The following RFC3 variants were observed in gnomAD, a reference collection of about 807,000 sequenced individuals.
RFC3 encodes the protein replication factor C subunit 3.
A neutral mutation model predicts 45.1 loss-of-function variants in RFC3; 41 were observed. The ratio of observed to expected loss-of-function variants is 0.91; its 90% CI spans 0.71 to 1.18. RFC3 has a LOEUF of 1.18. Ranked by LOEUF, RFC3 falls within the 50% of genes most tolerant of loss-of-function variation. RFC3 has a pLI of 0.00. For synonymous variants in RFC3, 149 were observed against 144.0 expected (o/e 1.03, Z -0.25); for missense variants, 423 against 428.1 (o/e 0.99, Z 0.10).
chr13:33,830,584 GTTACTT>G, intron 5 of RFC3, 129 bp from the exon 6 acceptor site: 1 of 593,122 alleles, frequency 1.7e-6, no homozygotes. Flanking sequence ...AGAGTGGTAA[GTTACTT>G]TTAGTGTAAG....
downstream of RFC3, among the ~76,000 whole-genome samples, chr13:33,839,275 G>C (rs933650123): frequency 3.9e-5 from 6 of 152,230 alleles, no homozygotes; most frequent in Middle Eastern, 3.4e-3. Context: ...CATGAACTAG[G>C]CCTGCAACTT....
downstream of RFC3, among the ~76,000 whole-genome samples, chr13:33,839,860 A>G (rs1436000884): frequency 6.6e-6 from 1 of 152,228 alleles, no homozygotes; most frequent in Non-Finnish European, 1.5e-5. Flanking sequence ...AGCATTTTCA[A>G]TGGACAAAAT....
chr13:33,824,673 G>T (rs2082033288), intron 3 of RFC3, among the ~76,000 whole-genome samples: 1 of 152,144 alleles, frequency 6.6e-6, no homozygotes, highest in South Asian at 2.1e-4. Flanking sequence ...ATTTCAGGGA[G>T]AGGGAGGAGA....
chr13:33,906,804 G>A (rs2082674574), intron 8 of RFC3, among the ~76,000 whole-genome samples: 1 of 151,992 alleles, frequency 6.6e-6, no homozygotes. Flanking sequence ...GTTCTTCCTT[G>A]TCATTCTGTT....
intron 8 of RFC3, among the ~76,000 whole-genome samples, chr13:33,944,398 A>G (rs1198935625): frequency 6.6e-6 from 1 of 152,230 alleles, no homozygotes; most frequent in Admixed American, 6.5e-5. Flanking sequence ...TCTTTGATCA[A>G]TGAGTGATGA....
At chr13:33,894,267 C>G (rs996492072) in intron 8 of RFC3, among the ~76,000 whole-genome samples, 4 of 152,142 alleles carry the variant, frequency 2.6e-5, no homozygotes, top group Non-Finnish European at 5.9e-5. Context: ...GGGCCATAAC[C>G]CTACCCAGTA....
chr13:33,908,634 A>C (rs2137692130), intron 8 of RFC3, among the ~76,000 whole-genome samples: 1 of 150,350 alleles, frequency 6.7e-6, no homozygotes, highest in Non-Finnish European at 1.5e-5. Context: ...ACACACACAC[A>C]CACACACACA....
At chr13:33,905,297 G>A (rs2082665386) in intron 8 of RFC3, among the ~76,000 whole-genome samples, 1 of 151,766 alleles carries the variant, frequency 6.6e-6, no homozygotes, top group Non-Finnish European at 1.5e-5. Context: ...TTATTATGTT[G>A]CTTTTCACAT....
rs113168994 is a variant in RFC3 at position 33,829,757 on chromosome 13, A to T, written c.392-79A>T. 2.1e-3 allele frequency: 2,313 copies of T among 1,091,724 alleles called. 39 individuals are homozygous for T. The African/African-American group carries it at 0.031, about 15-fold the overall frequency. 67.6% of individuals were successfully genotyped at this position (1,091,724 alleles called of 1,614,324 possible). On this transcript the variant is annotated intron_variant, in intron 4 of 8. Coordinates refer to ENST00000380071, the MANE Select transcript of RFC3 (RefSeq NM_002915.4). ...CTTATTATTTAGGATTTCATCCTGG[A>T]TAATGAGAAGGAAGAAAGAGACAAG... is the stretch of plus-strand genomic sequence containing the variant.
At chr13:33,910,112 C>T (rs80021196) in intron 8 of RFC3, among the ~76,000 whole-genome samples, 1 of 151,986 alleles carries the variant, frequency 6.6e-6, no homozygotes, top group Non-Finnish European at 1.5e-5. Flanking sequence ...TCTTTGACTA[C>T]ATACATTAAT....
intron 8 of RFC3, among the ~76,000 whole-genome samples, chr13:33,884,316 G>T (rs898565901): frequency 1.3e-5 from 2 of 152,122 alleles, no homozygotes; most frequent in Non-Finnish European, 2.9e-5. Flanking sequence ...ATATTCACTT[G>T]TCTAATAGCT....
Position 33,889,753 on chromosome 13 carries a change from T to C in RFC3, c.879+54536T>C, listed in dbSNP as rs149258116. Among the ~76,000 whole-genome samples the C allele has an allele frequency of 2.6e-5, 4 of 152,280 alleles. No homozygotes were observed. In the East Asian group the frequency reaches 7.7e-4, roughly 29 times the overall value. Reference sequence around the variant, plus strand: ...CAGCCTCTGGTAACCACTATTCTACTCTCTACTGCTATGACAGCAACCTTT... The same window carrying C: ...CAGCCTCTGGTAACCACTATTCTACCCTCTACTGCTATGACAGCAACCTTT... On this transcript the variant is annotated intron_variant, in intron 8 of 8. Transcript: ENST00000434425.
At chr13:33,853,801 C>G (rs2082292285) in intron 8 of RFC3, among the ~76,000 whole-genome samples, 1 of 152,272 alleles carries the variant, frequency 6.6e-6, no homozygotes, top group African/African-American at 2.4e-5. Context: ...ACCCAAGTCA[C>G]TGAGAGGTGA....
At position 33,870,734 on chromosome 13, in the gene RFC3, TTTTG is replaced by T. The variant is rs140862213; in HGVS notation, c.879+35528_879+35531del. Among the ~76,000 whole-genome samples, 1,307 of 152,310 alleles carry T rather than the reference TTTTG, an allele frequency of 8.6e-3. 22 individuals are homozygous for T. The highest frequency in any genetic ancestry group is 0.028 in the African/African-American group (1,143 of 41,548). The stretch of plus-strand genomic sequence containing the variant: ...AACCTACCTAAGGTAGGACCATTGT[TTTTG>T]TTTGTTTGTTCTGTTTTGTTTTGTT... On this transcript the variant is annotated intron_variant, in intron 8 of 8. Coordinates refer to the RFC3 transcript ENST00000434425.
intron 8 of RFC3, among the ~76,000 whole-genome samples, chr13:33,965,256 G>T (rs915330785): frequency 1.3e-5 from 2 of 152,168 alleles, no homozygotes; most frequent in South Asian, 4.1e-4. Context: ...TCTGTAAGGT[G>T]GGGATGATAA....
intron 8 of RFC3, 141 bp from the exon 9 acceptor site, chr13:33,835,963 C>T (rs946426582): frequency 3.1e-5 from 28 of 896,166 alleles, no homozygotes; most frequent in African/African-American, 1.2e-4. Context: ...GGATGAAGGT[C>T]GTTGATTCAC....
At chr13:33,834,941 A>G (rs975282677) in intron 7 of RFC3, among the ~76,000 whole-genome samples, 1 of 152,202 alleles carries the variant, frequency 6.6e-6, no homozygotes, top group African/African-American at 2.4e-5. Flanking sequence ...AGAAGCCTCC[A>G]TATGTTTATC....
At chr13:33,946,378 CT>C (rs1011091692) in intron 8 of RFC3, among the ~76,000 whole-genome samples, 8 of 152,222 alleles carry the variant, frequency 5.3e-5, no homozygotes, top group African/African-American at 1.9e-4. Context: ...AGTTTCCAGA[CT>C]TTTTTCTTTC....
At chr13:33,924,736 T>A (rs2082792459) in intron 8 of RFC3, among the ~76,000 whole-genome samples, 2 of 148,878 alleles carry the variant, frequency 1.3e-5, no homozygotes, top group African/African-American at 4.9e-5. Context: ...TGTATATATA[T>A]ATATATATCA....
Sources: allele counts gnomAD v4.1 joint callset (sites outside exome capture counted in the v4.1 genomes callset), GRCh38; gene constraint gnomAD v4.1.1; transcripts MANE v1.5; gene names NCBI Gene and HGNC (gene_info 2026-07-23, HGNC 2026-07-21).